Variants in ZCRB1 observed in about 807,000 individuals in gnomAD.
ZCRB1 encodes zinc finger CCHC-type and RNA-binding motif-containing protein 1.
In ZCRB1, 21 loss-of-function variants were observed where a neutral mutation model predicts 29.9. That is an observed-to-expected ratio of 0.70 (90% CI 0.50 to 1.01). The LOEUF is 1.01. Among genes scored for constraint, ZCRB1 ranks in the 50% least tolerant of loss-of-function variants. The probability of loss-of-function intolerance (pLI) is 0.00; values close to 1 mark genes in which losing one functional copy is unlikely to be tolerated. For missense variants in ZCRB1, 204 were observed against 253.3 expected, an observed-to-expected ratio of 0.81 and a Z score of 1.32; for synonymous variants, 77 against 80.0, an observed-to-expected ratio of 0.96 and a Z score of 0.20.
At chr12:42,322,378 AC>A (rs1425916174) in intron 3 of ZCRB1, 39 bp downstream of exon 3, 15 of 1,434,200 alleles carry the variant, frequency 1.0e-5, no homozygotes, top group Non-Finnish European at 1.4e-5. Flanking sequence ...ATTCAGATAA[AC>A]TTTTAAATGA....
In ZCRB1 at chr12:42,318,754, G is replaced by C. The variant is rs781012772; in HGVS notation, c.114-856C>G. Among the ~76,000 whole-genome samples, 5 of 152,158 alleles carry C rather than the reference G, an allele frequency of 3.3e-5. 1 individual carries two copies. The South Asian group carries it at 1.0e-3, about 32-fold the overall frequency. Reference sequence around the variant, plus strand: ...TAAGAGAGTGCAAGAGTGCGTGAGCGAGTGAGAGAGAGAGAGACGGAGGGA... The same window carrying C: ...TAAGAGAGTGCAAGAGTGCGTGAGCCAGTGAGAGAGAGAGAGACGGAGGGA... On this transcript the variant is annotated intron_variant, in intron 3 of 7. Coordinates refer to ENST00000266529, the MANE Select transcript of ZCRB1 (RefSeq NM_033114.4).
At chr12:42,320,489 A>C (rs905484991) in intron 3 of ZCRB1, among the ~76,000 whole-genome samples, 1 of 152,006 alleles carries the variant, frequency 6.6e-6, no homozygotes, top group Non-Finnish European at 1.5e-5. Context: ...TCCAGGCTGC[A>C]GTGCAGTGGT....
chr12:42,322,323 A>T (rs2068625785), intron 3 of ZCRB1, 95 bp downstream of exon 3: 2 of 1,169,874 alleles, frequency 1.7e-6, no homozygotes, highest in Non-Finnish European at 2.3e-6. Flanking sequence ...TATATCAAGC[A>T]TGTTTTATTT....
Position 42,324,019 on chromosome 12 carries a change from C to T in ZCRB1, c.84G>A (p.Arg28=). The change falls in exon 2 of 8, where the codon CGG becomes CGA. Residue 28 remains arginine, a splice_region_variant and synonymous_variant. Coordinates refer to ENST00000266529, the MANE Select transcript of ZCRB1 (RefSeq NM_033114.4). ...CAGTCACTCGATAAGATTTACTTAC[C>T]CGGTACAAGTCATTGTTTGTCAGGG... ...PFSLTNNDLY[R]IFSKYGKVVK... 1.2e-6 allele frequency: 2 copies of T among 1,613,114 alleles called. No individual in the cohort carries two copies. The highest frequency in any genetic ancestry group is 3.3e-4 in the Middle Eastern group (2 of 6,060).
intron 1 of ZCRB1, 54 bp from the exon 2 acceptor site, chr12:42,324,158 T>A: frequency 7.0e-7 from 1 of 1,426,922 alleles, no homozygotes; most frequent in South Asian, 1.2e-5. Context: ...ATTCTTTTTT[T>A]GTTGTTTGAG....
chr12:42,321,856 A>C (rs1468217097), intron 3 of ZCRB1, among the ~76,000 whole-genome samples: 2 of 152,294 alleles, frequency 1.3e-5, no homozygotes, highest in East Asian at 1.9e-4. Context: ...GAGAAGTTCA[A>C]GTTCTTTTTA....
intron 3 of ZCRB1, among the ~76,000 whole-genome samples, chr12:42,319,329 T>C (rs936185542): frequency 2.0e-5 from 3 of 152,214 alleles, no homozygotes; most frequent in African/African-American, 7.2e-5. Context: ...AGTCTTCTAC[T>C]TAAGGAATAA....
intron 4 of ZCRB1, 151 bp downstream of exon 4, chr12:42,317,636 T>G (rs1416236680): frequency 2.6e-6 from 2 of 773,384 alleles, no homozygotes; most frequent in Non-Finnish European, 4.1e-6. Flanking sequence ...GAGAACCCAG[T>G]AGTTTGACCT....
intron 2 of ZCRB1, chr12:42,323,801 T>A (rs2068633720): frequency 1.8e-6 from 1 of 544,594 alleles, no homozygotes; most frequent in Non-Finnish European, 3.3e-6. Context: ...TATTCCCAGC[T>A]ACTTGGGAGG....
rs1249734709 is a variant in ZCRB1 at position 42,318,090 on chromosome 12, G to T, written c.114-192C>A. ...AAAGGGTGATACTGATTTAACAGAAGTGAGCACAGCTATGATTAGGAGTTA... is the reference window on the plus strand; with the variant it reads ...AAAGGGTGATACTGATTTAACAGAATTGAGCACAGCTATGATTAGGAGTTA... On this transcript the variant is annotated intron_variant, in intron 3 of 7. Coordinates refer to ENST00000266529, the MANE Select transcript of ZCRB1 (RefSeq NM_033114.4). Among the ~76,000 whole-genome samples, 8 of 152,302 alleles carry T rather than the reference G, an allele frequency of 5.3e-5. No homozygotes were observed. The South Asian group carries it at 1.4e-3, about 28-fold the overall frequency.
Position 42,313,039 on chromosome 12 carries a change from A to AT in ZCRB1, c.*27dup, listed in dbSNP as rs1194584725. On this transcript the variant is annotated 3_prime_UTR_variant, in exon 8 of 8. Coordinates refer to ENST00000266529, the MANE Select transcript of ZCRB1 (RefSeq NM_033114.4). ...TCAAGATTGTTACTAACAAATCTTG[A>AT]TTTTTATTACTGTGCTGGGGCAAGA... 4.0e-6 allele frequency: 6 copies of AT among 1,505,518 alleles called. No homozygotes were observed. The South Asian group carries it at 8.8e-5, about 22-fold the overall frequency. The allele number at this position is 1,505,518 out of a possible 1,614,324, so 93.3% of individuals were successfully genotyped here.
chr12:42,312,097 A>G lies in ZCRB1; in HGVS notation c.*970T>C, dbSNP rs1281169185. 1.3e-5 allele frequency: 2 copies of G among 152,136 alleles called. No homozygotes were observed. The highest frequency in any genetic ancestry group is 1.9e-4 in the East Asian group (1 of 5,204). The allele number at this position is 152,136 out of a possible 1,614,324, so 9.4% of individuals were successfully genotyped here. ...ACAAGATTTTATAATGAAATTTCAA[A>G]TATCTTTTTAATATATTTTTTCTTG... On this transcript the variant is annotated 3_prime_UTR_variant, in exon 8 of 8. Coordinates refer to ENST00000266529, the MANE Select transcript of ZCRB1 (RefSeq NM_033114.4).
chr12:42,323,904 T>A, intron 2 of ZCRB1, 115 bp downstream of exon 2: 1 of 953,132 alleles, frequency 1.0e-6, no homozygotes, highest in Non-Finnish European at 1.6e-6. Flanking sequence ...GTGACAGAAT[T>A]AGACTGTCTC....
intron 2 of ZCRB1, among the ~76,000 whole-genome samples, chr12:42,323,123 T>C (rs1184270647): frequency 6.6e-6 from 1 of 152,180 alleles, no homozygotes; most frequent in African/African-American, 2.4e-5. Flanking sequence ...ATATAAAAAG[T>C]CTTTTAGAAT....
At position 42,317,363 on chromosome 12, in the gene ZCRB1, T is replaced by C. The variant is rs1172989520; in HGVS notation, c.310A>G (p.Lys104Glu). 1 of 1,611,220 alleles carries C rather than the reference T, an allele frequency of 6.2e-7. No individual in the cohort carries two copies. Among genetic ancestry groups the C allele is most frequent in the African/African-American group, 1.3e-5 (1 of 74,844 alleles). The change falls in exon 5 of 8, where the codon AAA becomes GAA. Residue 104 changes from lysine (K) to glutamate (E), a missense_variant. Physicochemically the swap from Lys to Glu is moderately conservative, Grantham distance 56. Coordinates refer to ENST00000266529, the MANE Select transcript of ZCRB1 (RefSeq NM_033114.4). ...EFIRRRNYFD[K>E]SKCYECGESG... ...ACCCCACATTCATAACACTTAGATT[T>C]ATCAAAGTAGTTTCGCCTTCGGATG...
chr12:42,313,161 G>A lies in ZCRB1; in HGVS notation c.560C>T (p.Pro187Leu), dbSNP rs1395270412. ...TGATGTTGAGGGGACTCCTGAACTG[G>A]GTTTCCATTTTTTTTGTTCTTCTTC... Reference protein sequence around the residue: ...KIEEEQKKWKPSSGVPSTSDD... With the variant: ...KIEEEQKKWKLSSGVPSTSDD... Residue 187 changes from proline to leucine, a missense_variant, in exon 8 of 8, where the codon CCC (proline) becomes CTC (leucine). Transcript: ENST00000266529. The A allele has an allele frequency of 2.5e-6, 4 of 1,610,836 alleles. No homozygotes were observed. The highest frequency in any genetic ancestry group is 3.4e-6 in the Non-Finnish European group (4 of 1,178,654).
rs1185678323 is a variant in ZCRB1, at chr12:42,312,480, TAGG to T, written c.*584_*586del. ...GCCACATTGGGAATATTGAGGAAGG[TAGG>T]AGAAGTATAAGAGATTGAATAATTC... On this transcript the variant is annotated 3_prime_UTR_variant, in exon 8 of 8. Transcript: ENST00000266529. 5 of 152,188 alleles carry T rather than the reference TAGG, an allele frequency of 3.3e-5. No individual in the cohort carries two copies. The highest frequency in any genetic ancestry group is 1.9e-4 in the East Asian group (1 of 5,208). The allele number at this position is 152,188 out of a possible 1,614,324, so 9.4% of individuals were successfully genotyped here. A position where few individuals can be genotyped will look rare whatever the true frequency, so the allele number is the denominator to read the frequency against.
chr12:42,325,228 T>C (rs1451901171), intron 1 of ZCRB1: 1 of 152,262 alleles, frequency 6.6e-6, no homozygotes, highest in Non-Finnish European at 1.5e-5. Flanking sequence ...TGCATGCCTG[T>C]ACTATGGCTG....
chr12:42,323,051 C>T (rs959655039), intron 2 of ZCRB1, among the ~76,000 whole-genome samples: 1 of 152,146 alleles, frequency 6.6e-6, no homozygotes, highest in African/African-American at 2.4e-5. Context: ...TTACTTTATC[C>T]TATGCAATCT....
Sources: gnomAD v4.1 joint callset for allele counts (sites outside exome capture counted in the v4.1 genomes callset) on GRCh38, gnomAD v4.1.1 for gene constraint, MANE v1.5 for transcripts, NCBI Gene and HGNC (gene_info 2026-07-23, HGNC 2026-07-21) for gene names.